The following SPON1 variants were observed in gnomAD, a reference collection of about 807,000 sequenced individuals.
SPON1 encodes the protein spondin-1.
SPON1 carries 52 observed loss-of-function variants against 111.7 expected under a neutral mutation model. The observed-to-expected ratio is 0.47, with a 90% CI of 0.37 to 0.59. SPON1 has a LOEUF of 0.59. Among genes scored for constraint, SPON1 ranks in the 20% least tolerant of loss-of-function variants. SPON1 has a pLI of 0.00. For synonymous variants in SPON1, 410 were observed against 395.8 expected (o/e 1.04, Z -0.43); for missense variants, 957 against 1,068.5 (o/e 0.90, Z 1.46).
At chr11:14,074,492 T>C (rs149569563) in intron 3 of SPON1, among the ~76,000 whole-genome samples, 2 of 152,342 alleles carry the variant, frequency 1.3e-5, no homozygotes, top group East Asian at 3.9e-4. Context: ...ACAGGGTGAA[T>C]GGAAGTGAAA....
At chr11:14,138,353 A>C (rs199727290) in intron 6 of SPON1, among the ~76,000 whole-genome samples, 2 of 125,788 alleles carry the variant, frequency 1.6e-5, no homozygotes, top group South Asian at 2.6e-4. Context: ...TGGAAGTATT[A>C]ATAATAATAA....
chr11:14,086,637 G>T (rs1849008824), intron 5 of SPON1, among the ~76,000 whole-genome samples: 1 of 152,158 alleles, frequency 6.6e-6, no homozygotes, highest in Non-Finnish European at 1.5e-5. Flanking sequence ...TCAGGTTTTG[G>T]AATTGGGATG....
chr11:14,262,924 A>G lies in SPON1; in HGVS notation c.2209A>G (p.Ser737Gly). 6.2e-7 allele frequency: 1 copy of G among 1,613,746 alleles called. No homozygotes were observed. The highest frequency in any genetic ancestry group is 1.1e-5 in the South Asian group (1 of 91,068). ...QKLRWREARE[S>G]RRSEQLKEES... ...GCTACGCTGGAGGGAGGCCCGAGAG[A>G]GCCGGCGGAGTGAGCAGCTGAAGGA... The change falls in exon 15 of 16, where the codon AGC (serine) becomes GGC (glycine). Residue 737 changes from serine (S) to glycine (G), a missense_variant. Ser to Gly is a moderately conservative substitution (Grantham distance 56). Around this residue, in one of 5 missense-constraint regions of SPON1, gnomAD observed 549 missense variants for 606.2 expected, o/e 0.91. Transcript: ENST00000576479.
chr11:14,030,690 A>G lies in SPON1; in HGVS notation c.346-10831A>G, dbSNP rs80097478. 7.4e-3 allele frequency among the ~76,000 whole-genome samples: 1,129 copies of G among 152,356 alleles called. 17 individuals are homozygous for G. Among genetic ancestry groups the G allele is most frequent in the African/African-American group, 0.026 (1,098 of 41,586 alleles). Reference sequence around the variant, plus strand: ...ACAGCAGTCAGAATGGCTGTTGTTAAAAAGACAAAAAATAACAGATGCTAG... The same window carrying G: ...ACAGCAGTCAGAATGGCTGTTGTTAGAAAGACAAAAAATAACAGATGCTAG... On this transcript the variant is annotated intron_variant, in intron 2 of 15. Transcript: ENST00000576479.
At chr11:14,088,237 A>G (rs1454704911) in intron 5 of SPON1, among the ~76,000 whole-genome samples, 8 of 151,988 alleles carry the variant, frequency 5.3e-5, no homozygotes, top group Admixed American at 4.6e-4. Context: ...ATTGATCTTT[A>G]TATTTTGTGT....
At chr11:14,097,929 AG>A (rs1314169578) in intron 5 of SPON1, among the ~76,000 whole-genome samples, 2 of 151,974 alleles carry the variant, frequency 1.3e-5, no homozygotes, top group Non-Finnish European at 2.9e-5. Flanking sequence ...CTTGGCTTCC[AG>A]GATGTTAAAG....
intron 5 of SPON1, among the ~76,000 whole-genome samples, chr11:14,123,981 C>T (rs1014538941): frequency 1.2e-4 from 18 of 152,224 alleles, no homozygotes; most frequent in African/African-American, 3.9e-4. Context: ...TAATGCAGTG[C>T]CACTTACTTA....
intron 15 of SPON1, among the ~76,000 whole-genome samples, chr11:14,264,376 C>T (rs1195767007): frequency 6.6e-6 from 1 of 152,160 alleles, no homozygotes; most frequent in Non-Finnish European, 1.5e-5. Context: ...TTATACATCC[C>T]CAAACTCCAG....
rs1848762164 is a variant in SPON1, at chr11:14,228,297, T to A, written c.826-15035T>A. On this transcript the variant is annotated intron_variant, in intron 6 of 15. Coordinates refer to ENST00000576479, the MANE Select transcript of SPON1 (RefSeq NM_006108.4). This position sits in a 1 kb window ranked among gnomAD's most constrained non-coding sequence, Gnocchi z 4.2. ...TCCTTTGGGCTTTACCTAGTCAAAA[T>A]GTCTTTGATTTGTTAACTCTGCTTT... Among the ~76,000 whole-genome samples, 4 of 152,244 alleles carry A rather than the reference T, an allele frequency of 2.6e-5. No individual in the cohort carries two copies. In the South Asian group the frequency reaches 8.3e-4, roughly 32 times the overall value.
chr11:14,080,443 G>A (rs1848953770), intron 5 of SPON1, among the ~76,000 whole-genome samples: 1 of 152,040 alleles, frequency 6.6e-6, no homozygotes, highest in Non-Finnish European at 1.5e-5. Context: ...TGCCTGGGCT[G>A]GTCTTGAACA....
chr11:14,225,528 G>A (rs564716477), intron 6 of SPON1, among the ~76,000 whole-genome samples: 38 of 152,202 alleles, frequency 2.5e-4, no homozygotes, highest in African/African-American at 8.4e-4. Context: ...TTTTGCTTTG[G>A]AGATTGTGCT....
chr11:14,171,041 A>G (rs1354994907), intron 6 of SPON1, among the ~76,000 whole-genome samples: 9 of 152,034 alleles, frequency 5.9e-5, no homozygotes, highest in Non-Finnish European at 1.2e-4. Flanking sequence ...CTCTTTTTCT[A>G]TTGATTGGAA....
intron 5 of SPON1, among the ~76,000 whole-genome samples, chr11:14,106,833 G>A (rs1350771163): frequency 6.6e-6 from 1 of 152,124 alleles, no homozygotes; most frequent in Non-Finnish European, 1.5e-5. Context: ...TAAATTGAAA[G>A]TTATGAGTCA....
intron 2 of SPON1, among the ~76,000 whole-genome samples, chr11:14,039,842 A>C (rs1453499065): frequency 6.6e-6 from 1 of 152,186 alleles, no homozygotes; most frequent in Non-Finnish European, 1.5e-5. Context: ...ATGTCTAGAA[A>C]ATCCCCCAAA....
At chr11:14,186,769 C>T (rs782076201) in intron 6 of SPON1, among the ~76,000 whole-genome samples, 1 of 152,162 alleles carries the variant, frequency 6.6e-6, no homozygotes, top group Non-Finnish European at 1.5e-5. Flanking sequence ...TTCCTCAATT[C>T]CCACTCAAGC....
intron 2 of SPON1, among the ~76,000 whole-genome samples, chr11:14,001,468 C>T (rs372823435): frequency 3.0e-4 from 46 of 152,202 alleles, no homozygotes; most frequent in South Asian, 1.5e-3. Context: ...TTATCTGATC[C>T]GAAGAAAGAA....
chr11:14,093,239 AG>A (rs1554923575), intron 5 of SPON1, among the ~76,000 whole-genome samples: 1 of 152,256 alleles, frequency 6.6e-6, no homozygotes, highest in Non-Finnish European at 1.5e-5. Flanking sequence ...ATGGCTCAGA[AG>A]CAGTTGCTTC....
chr11:14,260,476 C>T lies in SPON1; in HGVS notation c.1832-112C>T, dbSNP rs1849159164. 26 of 1,248,194 alleles carry T rather than the reference C, an allele frequency of 2.1e-5. No individual in the cohort carries two copies. In the South Asian group the frequency reaches 3.3e-4, roughly 16 times the overall value. 77.3% of individuals were successfully genotyped at this position (1,248,194 alleles called of 1,614,324 possible). On this transcript the variant is annotated intron_variant, in intron 13 of 15. Transcript: ENST00000576479. ...TATTTGAACCCATGGGCCAATTCCA[C>T]TTTATTCCAGGGGCCAAAGCAGGGG...
At chr11:14,257,920 G>A in intron 11 of SPON1, 22 bp downstream of exon 11, 1 of 1,506,764 alleles carries the variant, frequency 6.6e-7, no homozygotes. Flanking sequence ...ACCCAGACCA[G>A]CCAGGGGCTG....
Sources: gnomAD v4.1 joint callset for allele counts (sites outside exome capture counted in the v4.1 genomes callset) on GRCh38, gnomAD v4.1.1 for gene constraint, gnomAD v4.1.1 regional missense constraint, Gnocchi (gnomAD v3.1) non-coding constraint, MANE v1.5 for transcripts, NCBI Gene and HGNC (gene_info 2026-07-23, HGNC 2026-07-21) for gene names.